The following LARP4 variants were observed in gnomAD, a reference collection of about 807,000 sequenced individuals.
LARP4 encodes La ribonucleoprotein 4, also known as la-related protein 4.
In LARP4, 29 loss-of-function variants were observed where a neutral mutation model predicts 92.9. That is an observed-to-expected ratio of 0.31 (90% CI 0.23 to 0.43). LARP4 has a LOEUF of 0.43. LARP4 is among the 20% of genes least tolerant of loss of function. The pLI is 1.00. For synonymous variants in LARP4, 279 were observed against 284.1 expected (o/e 0.98, Z 0.18); for missense variants, 732 against 860.0 (o/e 0.85, Z 1.86).
At chr12:50,416,012 G>A (rs1177650357) in intron 1 of LARP4, among the ~76,000 whole-genome samples, 1 of 151,878 alleles carries the variant, frequency 6.6e-6, no homozygotes, top group African/African-American at 2.4e-5. Flanking sequence ...CACCCTCCAT[G>A]TTTTCTTGGA....
intron 4 of LARP4, 63 bp downstream of exon 4, chr12:50,430,633 G>T (rs1331323023): frequency 9.7e-6 from 9 of 929,582 alleles, no homozygotes; most frequent in East Asian, 5.1e-5. Context: ...GAAATAGAGC[G>T]CAAGGATGGT....
In LARP4 at chr12:50,475,515, T is replaced by C; in HGVS notation, c.1837-11T>C. ...GTACCATAAATGTTTTTTTTTATCA[T>C]CACTTCAAAGGAACCCCGAAAGTTA... On this transcript the variant is annotated splice_polypyrimidine_tract_variant and intron_variant, in intron 15 of 15. Transcript: ENST00000398473. The C allele has an allele frequency of 6.4e-7, 1 of 1,568,396 alleles. No homozygotes were observed. Among genetic ancestry groups the C allele is most frequent in the Non-Finnish European group, 8.6e-7 (1 of 1,158,622 alleles).
intron 8 of LARP4, among the ~76,000 whole-genome samples, chr12:50,449,616 G>A (rs1475083005): frequency 2.0e-5 from 3 of 152,156 alleles, no homozygotes; most frequent in Non-Finnish European, 4.4e-5. Flanking sequence ...ACAAAAGCTA[G>A]CTGCTATGCT....
chr12:50,436,120 GAT>G (rs1480712874), intron 5 of LARP4, among the ~76,000 whole-genome samples: 2 of 135,858 alleles, frequency 1.5e-5, no homozygotes, highest in Admixed American at 7.5e-5. Flanking sequence ...GTGTGTGTGT[GAT>G]ATGTGTGTGT....
intron 2 of LARP4, 56 bp downstream of exon 2, chr12:50,427,965 G>T: frequency 3.8e-6 from 4 of 1,056,660 alleles, no homozygotes; most frequent in East Asian, 2.8e-5. Flanking sequence ...GTATGGCCAA[G>T]CAAGTTTACT....
Position 50,427,362 on chromosome 12 carries a change from C to G in LARP4, c.19-400C>G, listed in dbSNP as rs1252767426. On this transcript the variant is annotated intron_variant, in intron 1 of 15. Coordinates refer to ENST00000398473, the MANE Select transcript of LARP4 (RefSeq NM_052879.5). The stretch of plus-strand genomic sequence containing the variant: ...GGTAGGTTGGGGTAAAGCAGCATTT[C>G]TATTTTATTTATTTTTCTGAGACAG... 4.6e-5 allele frequency among the ~76,000 whole-genome samples: 7 copies of G among 151,952 alleles called. No individual in the cohort carries two copies. The East Asian group carries it at 1.3e-3, about 29-fold the overall frequency.
intron 1 of LARP4, among the ~76,000 whole-genome samples, chr12:50,413,089 G>T (rs1348082144): frequency 3.9e-5 from 6 of 151,972 alleles, no homozygotes; most frequent in African/African-American, 1.5e-4. Context: ...CGGACGTGGT[G>T]GTGGGCGCCT....
intron 1 of LARP4, among the ~76,000 whole-genome samples, chr12:50,405,119 G>A (rs1384760165): frequency 1.3e-5 from 2 of 150,464 alleles, no homozygotes; most frequent in African/African-American, 2.4e-5. Flanking sequence ...GGCTGGTCTC[G>A]AACTGCTGAC....
At chr12:50,410,343 G>A (rs111572063) in intron 1 of LARP4, among the ~76,000 whole-genome samples, 21 of 151,552 alleles carry the variant, frequency 1.4e-4, no homozygotes, top group African/African-American at 4.9e-4. Flanking sequence ...AAAGTGCTGC[G>A]ATTACAGGTG....
rs1362674778 is a variant in LARP4 at position 50,473,492 on chromosome 12, T to C, written c.1623T>C (p.Asn541=). ...AATGCACTTCTGCCCAGCAACTCAA[T>C]ATGAGTACCAGTTCTCCATGTGCTG... The part of the protein sequence containing the change: ...QTECTSAQQL[N]MSTSSPCAAE... Residue 541 remains asparagine, a synonymous_variant, in exon 14 of 16, where the codon AAT becomes AAC. Coordinates refer to ENST00000398473, the MANE Select transcript of LARP4 (RefSeq NM_052879.5). 1 of 1,613,422 alleles carries C rather than the reference T, an allele frequency of 6.2e-7. No homozygotes were observed. The highest frequency in any genetic ancestry group is 8.5e-7 in the Non-Finnish European group (1 of 1,179,446).
chr12:50,428,078 C>G (rs961075486), intron 2 of LARP4, among the ~76,000 whole-genome samples, 169 bp downstream of exon 2: 5 of 150,708 alleles, frequency 3.3e-5, no homozygotes, highest in Non-Finnish European at 7.4e-5. Flanking sequence ...TCACTGCAAC[C>G]TCCACCTCCC....
At chr12:50,428,106 C>T (rs1033012342) in intron 2 of LARP4, among the ~76,000 whole-genome samples, 197 bp downstream of exon 2, 3 of 151,600 alleles carry the variant, frequency 2.0e-5, no homozygotes, top group Non-Finnish European at 1.5e-5. Context: ...AGCAGTTCTC[C>T]TGCCTCAGCC....
chr12:50,404,448 G>GGGAGGC (rs1944417805), intron 1 of LARP4, among the ~76,000 whole-genome samples: 1 of 152,084 alleles, frequency 6.6e-6, no homozygotes, highest in African/African-American at 2.4e-5. Flanking sequence ...CCAGCTACTA[G>GGGAGGC]GGAGGCAGAG....
chr12:50,423,805 G>C (rs1948267860), intron 1 of LARP4, among the ~76,000 whole-genome samples: 1 of 149,870 alleles, frequency 6.7e-6, no homozygotes, highest in African/African-American at 2.5e-5. Flanking sequence ...AGGCTGGGGT[G>C]CAATGATGCA....
chr12:50,468,320 A>G (rs1459242860), intron 13 of LARP4, among the ~76,000 whole-genome samples: 1 of 145,644 alleles, frequency 6.9e-6, no homozygotes, highest in Non-Finnish European at 1.5e-5. Context: ...TTTGAGACAG[A>G]GTCTCGCTCG....
In LARP4 at chr12:50,464,703, T is replaced by C. The variant is rs146380485; in HGVS notation, c.1383+2073T>C. Among the ~76,000 whole-genome samples, 832 of 150,984 alleles carry C rather than the reference T, an allele frequency of 5.5e-3. 6 individuals carry two copies. The highest frequency in any genetic ancestry group is 7.4e-3 in the Non-Finnish European group (503 of 67,776). On this transcript the variant is annotated intron_variant, in intron 12 of 15. Coordinates refer to ENST00000398473, the MANE Select transcript of LARP4 (RefSeq NM_052879.5). The stretch of plus-strand genomic sequence containing the variant: ...CCATCGTGCCTGACCAACAATTCTT[T>C]TTTTGAGACAGAGTTTCGCTCTTGT...
chr12:50,403,647 A>G lies in LARP4; in HGVS notation c.18+2619A>G, dbSNP rs115748515. The stretch of plus-strand genomic sequence containing the variant: ...GGTTAAGAACTGCTTTACTAAACCA[A>G]CTTGCTTGTGGATCATCTTTGGCAG... On this transcript the variant is annotated intron_variant, in intron 1 of 15. Transcript: ENST00000398473. Among the ~76,000 whole-genome samples the G allele has an allele frequency of 8.0e-3, 1,211 of 152,268 alleles. 14 individuals carry two copies. The highest frequency in any genetic ancestry group is 0.028 in the African/African-American group (1,158 of 41,544).
intron 13 of LARP4, among the ~76,000 whole-genome samples, chr12:50,470,759 C>G (rs572682286): frequency 5.9e-5 from 9 of 152,216 alleles, no homozygotes; most frequent in African/African-American, 1.9e-4. Flanking sequence ...AATTATGGCC[C>G]ATAAATATCC....
intron 1 of LARP4, among the ~76,000 whole-genome samples, chr12:50,417,407 C>T (rs1397064524): frequency 2.6e-5 from 4 of 151,824 alleles, no homozygotes; most frequent in Non-Finnish European, 5.9e-5. Flanking sequence ...AAAATTGCTA[C>T]TTATACGTTC....
Sources: allele counts gnomAD v4.1 joint callset (sites outside exome capture counted in the v4.1 genomes callset), GRCh38; gene constraint gnomAD v4.1.1; transcripts MANE v1.5; gene names NCBI Gene and HGNC (gene_info 2026-07-23, HGNC 2026-07-21).